The following XDH variants were observed in gnomAD, a reference collection of about 807,000 sequenced individuals.
The protein encoded by XDH is xanthine dehydrogenase/oxidase.
XDH carries 138 observed loss-of-function variants against 156.1 expected under a neutral mutation model. That is an observed-to-expected ratio of 0.88 (90% CI 0.77 to 1.02). XDH has a LOEUF of 1.02. XDH is among the 50% of genes least tolerant of loss of function. The probability of loss-of-function intolerance (pLI) is 0.00; values close to 1 mark genes in which losing one functional copy is unlikely to be tolerated. For missense variants in XDH, 1,849 were observed against 1,684.9 expected (o/e 1.10, Z -1.71); for synonymous variants, 669 against 625.7 (o/e 1.07, Z -1.03).
Position 31,403,108 on chromosome 2 carries a change from C to A in XDH, c.137G>T (p.Gly46Val). ...LSGTKLGCGEGGCGACTVMLS... is the reference protein window; with the variant it reads ...LSGTKLGCGEVGCGACTVMLS... ...CATCACTGTGCAAGCCCCGCAGCCC[C>A]CCTCTCCACAGCCGAGCTTGGTTCC... Residue 46 changes from glycine (G) to valine (V), a missense_variant, in exon 3 of 36, where the codon GGG becomes GTG. Physicochemically the swap from Gly to Val is moderately radical, Grantham distance 109. Coordinates refer to ENST00000379416, the MANE Select transcript of XDH (RefSeq NM_000379.4). 1 of 1,614,198 alleles carries A rather than the reference C, an allele frequency of 6.2e-7. No homozygotes were observed. Among genetic ancestry groups the A allele is most frequent in the Non-Finnish European group, 8.5e-7 (1 of 1,180,038 alleles).
intron 1 of XDH, among the ~76,000 whole-genome samples, chr2:31,412,424 T>G (rs183930263): frequency 5.3e-5 from 8 of 151,846 alleles, no homozygotes; most frequent in African/African-American, 1.7e-4. Context: ...TAGGTAGGAA[T>G]TGAACAATGA....
chr2:31,386,077 T>C (rs59740440), intron 9 of XDH, among the ~76,000 whole-genome samples: 1,530 of 152,278 alleles, frequency 0.01, 28 homozygotes, highest in African/African-American at 0.035. Context: ...AGAAGTCAAC[T>C]ACATGCAAGG....
intron 24 of XDH, among the ~76,000 whole-genome samples, chr2:31,361,307 C>A (rs1046243150): frequency 2.6e-5 from 4 of 152,212 alleles, no homozygotes; most frequent in Non-Finnish European, 4.4e-5. Flanking sequence ...AATTTAGTAG[C>A]TATTGGACAT....
At chr2:31,349,587 G>A in intron 26 of XDH, 99 bp downstream of exon 26, 1 of 1,531,010 alleles carries the variant, frequency 6.5e-7, no homozygotes, top group Non-Finnish European at 9.0e-7. Flanking sequence ...AGTCTCATAA[G>A]TTATCCATTG....
In XDH at chr2:31,368,633, C is replaced by G. The variant is rs745473695; in HGVS notation, c.2008G>C (p.Ala670Pro). 6.2e-7 allele frequency: 1 copy of G among 1,614,160 alleles called. No homozygotes were observed. The highest frequency in any genetic ancestry group is 8.5e-7 in the Non-Finnish European group (1 of 1,180,030). ...KVTCVGHIIG[A>P]VVADTPEHTQ... ...TGTTCCGGGGTGTCAGCAACCACAG[C>G]ACCAATGATATGCCCAACACAAGTA... The change falls in exon 19 of 36, where the codon GCT becomes CCT. Residue 670 changes from alanine (A) to proline (P), a missense_variant. Physicochemically the swap from Ala to Pro is conservative, Grantham distance 27. Coordinates refer to ENST00000379416, the MANE Select transcript of XDH (RefSeq NM_000379.4).
chr2:31,409,168 A>C (rs1187716878), intron 1 of XDH, among the ~76,000 whole-genome samples: 2 of 152,200 alleles, frequency 1.3e-5, no homozygotes. Flanking sequence ...AGAGGAAAGT[A>C]GGGATGGCTA....
rs534258957 is a variant in XDH, at chr2:31,377,359, G to A, written c.1243-122C>T. Reference sequence around the variant, plus strand: ...ATAACACCATCACACATCAGTGGGTGAACTGGCCCCGGGAATCAAAGATCA... The same window carrying A: ...ATAACACCATCACACATCAGTGGGTAAACTGGCCCCGGGAATCAAAGATCA... On this transcript the variant is annotated intron_variant, in intron 13 of 35. Coordinates refer to ENST00000379416, the MANE Select transcript of XDH (RefSeq NM_000379.4). The A allele has an allele frequency of 3.5e-5, 37 of 1,055,436 alleles. No homozygotes were observed. The South Asian group carries it at 4.1e-4, about 12-fold the overall frequency. 65.4% of individuals were successfully genotyped at this position (1,055,436 alleles called of 1,614,324 possible).
chr2:31,343,306 A>ATATATATATATATATGCATGTT (rs1553411630), intron 31 of XDH, among the ~76,000 whole-genome samples: 41 of 107,144 alleles, frequency 3.8e-4, no homozygotes, highest in African/African-American at 1.4e-3. Context: ...ATATATATAT[A>ATATATATATATATATGCATGTT]TATATATATA....
intron 6 of XDH, among the ~76,000 whole-genome samples, chr2:31,395,568 T>C (rs1686880993): frequency 6.6e-6 from 1 of 152,204 alleles, no homozygotes; most frequent in Admixed American, 6.5e-5. Flanking sequence ...GTGGAGATCC[T>C]GGAGGTAAAA....
At chr2:31,358,115 C>G (rs1335240417) in intron 24 of XDH, among the ~76,000 whole-genome samples, 3 of 152,132 alleles carry the variant, frequency 2.0e-5, no homozygotes, top group African/African-American at 7.2e-5. Context: ...CAGAACTCTT[C>G]ACCCCAAATC....
rs527327819 is a variant in XDH at position 31,379,326 on chromosome 2, T to C, written c.1242+541A>G. Reference sequence around the variant, plus strand: ...CAGTGAAGCAACACCTCGTCAAGCCTAAGGTCAGCGTATGAGGGTCTGAGC... The same window carrying C: ...CAGTGAAGCAACACCTCGTCAAGCCCAAGGTCAGCGTATGAGGGTCTGAGC... On this transcript the variant is annotated intron_variant, in intron 13 of 35. Coordinates refer to ENST00000379416, the MANE Select transcript of XDH (RefSeq NM_000379.4). Among the ~76,000 whole-genome samples the C allele has an allele frequency of 8.2e-4, 125 of 152,136 alleles. 1 individual carries two copies. The highest frequency in any genetic ancestry group is 1.6e-3 in the Non-Finnish European group (109 of 68,012).
intron 6 of XDH, among the ~76,000 whole-genome samples, chr2:31,396,250 G>A: frequency 6.6e-6 from 1 of 152,112 alleles, no homozygotes; most frequent in East Asian, 1.9e-4. Flanking sequence ...AATCAAGAGC[G>A]ATTTCAACTT....
At position 31,376,983 on chromosome 2, in the gene XDH, G is replaced by C. The variant is rs10172747; in HGVS notation, c.1427+70C>G. ...AATACTACTGGTAGTCATAGTAGCA[G>C]CAGCAGTAACAATGATACTATTAGT... On this transcript the variant is annotated intron_variant, in intron 14 of 35. Transcript: ENST00000379416. 4.9e-3 allele frequency: 7,736 copies of C among 1,569,240 alleles called. 273 individuals carry two copies. In the African/African-American group the frequency reaches 0.086, roughly 17 times the overall value.
rs762726897 is a variant in XDH at position 31,337,669 on chromosome 2, T to C, written c.3923A>G (p.Asn1308Ser). The change falls in exon 35 of 36, where the codon AAT becomes AGT. Residue 1308 changes from asparagine (N) to serine (S), a missense_variant. By Grantham distance (46) the Asn-to-Ser change is conservative (BLOSUM62 1). Transcript: ENST00000379416. ...GGTGGTGAACTTGTCCACGCAGGCA[T>C]TGCGGATCTTCTCCGGGGTGGCAGG... ...DSPATPEKIR[N>S]ACVDKFTTLC... The C allele has an allele frequency of 3.7e-5, 59 of 1,614,182 alleles. No individual in the cohort carries two copies. The Middle Eastern group carries it at 6.6e-4, about 18-fold the overall frequency.
At chr2:31,369,563 T>C (rs919938993) in intron 18 of XDH, among the ~76,000 whole-genome samples, 3 of 152,084 alleles carry the variant, frequency 2.0e-5, no homozygotes, top group East Asian at 3.9e-4. Context: ...ATTGACTCAG[T>C]TGGTTAGTGC....
intron 2 of XDH, among the ~76,000 whole-genome samples, chr2:31,404,692 T>A (rs976598732): frequency 2.0e-5 from 3 of 152,204 alleles, no homozygotes; most frequent in African/African-American, 7.2e-5. Flanking sequence ...GTAGATGGGC[T>A]GTAAATGGAG....
At chr2:31,345,109 T>G (rs2148752706) in intron 30 of XDH, among the ~76,000 whole-genome samples, 1 of 152,332 alleles carries the variant, frequency 6.6e-6, no homozygotes, top group East Asian at 1.9e-4. Context: ...TCTGGCATTT[T>G]GCAGCACACG....
At chr2:31,339,841 C>T (rs45611133) in intron 33 of XDH, among the ~76,000 whole-genome samples, 164 bp from the exon 34 acceptor site, 14 of 152,308 alleles carry the variant, frequency 9.2e-5, no homozygotes, top group Admixed American at 2.6e-4. Flanking sequence ...TGGGATAACC[C>T]ATCCGGACTT....
At chr2:31,382,915 G>A (rs1686476568) in intron 11 of XDH, 86 bp downstream of exon 11, 1 of 1,595,194 alleles carries the variant, frequency 6.3e-7, no homozygotes, top group Non-Finnish European at 8.6e-7. Flanking sequence ...GAGGCCCACT[G>A]CACTGACACA....
Sources: allele counts gnomAD v4.1 joint callset (sites outside exome capture counted in the v4.1 genomes callset), GRCh38; gene constraint gnomAD v4.1.1; transcripts MANE v1.5; gene names NCBI Gene and HGNC (gene_info 2026-07-23, HGNC 2026-07-21).